The following CCDC175 variants were observed in gnomAD, a reference collection of about 807,000 sequenced individuals.
CCDC175 encodes the protein coiled-coil domain containing 175, also known as coiled-coil domain-containing protein 175.
A neutral mutation model predicts 114.6 loss-of-function variants in CCDC175; 100 were observed. The ratio of observed to expected loss-of-function variants is 0.87; its 90% CI spans 0.74 to 1.03. The LOEUF is 1.03. Ranked by LOEUF, CCDC175 falls within the 50% of genes least tolerant of loss-of-function variation. The probability of loss-of-function intolerance (pLI) is 0.00; values close to 1 mark genes in which losing one functional copy is unlikely to be tolerated. For synonymous variants in CCDC175, 306 were observed against 308.7 expected (o/e 0.99, Z 0.09); for missense variants, 880 against 917.8 (o/e 0.96, Z 0.53).
At chr14:59,523,746 A>T (rs960522361) in intron 16 of CCDC175, among the ~76,000 whole-genome samples, 8 of 152,052 alleles carry the variant, frequency 5.3e-5, no homozygotes, top group South Asian at 4.1e-4. Flanking sequence ...TCCTAGCACT[A>T]TGGGAGGCCG....
At chr14:59,557,523 A>G (rs949560063) in intron 7 of CCDC175, among the ~76,000 whole-genome samples, 8 of 151,312 alleles carry the variant, frequency 5.3e-5, no homozygotes, top group Admixed American at 5.3e-4. Context: ...GTAAATGACG[A>G]GTTAATGGGT....
At chr14:59,552,506 C>A (rs1307120732) in intron 7 of CCDC175, among the ~76,000 whole-genome samples, 12 of 152,156 alleles carry the variant, frequency 7.9e-5, no homozygotes, top group African/African-American at 2.9e-4. Flanking sequence ...GATAAAACCA[C>A]AAAGATGGGG....
chr14:59,506,448 C>A (rs1183197034), intron 19 of CCDC175, among the ~76,000 whole-genome samples: 1 of 152,030 alleles, frequency 6.6e-6, no homozygotes, highest in African/African-American at 2.4e-5. Flanking sequence ...CCATGACACC[C>A]AGCTAATTTT....
chr14:59,574,321 C>G (rs1159484468), intron 2 of CCDC175, among the ~76,000 whole-genome samples: 1 of 152,188 alleles, frequency 6.6e-6, no homozygotes, highest in East Asian at 1.9e-4. Context: ...ACTACTCTGA[C>G]TGTGCCAAGG....
chr14:59,543,295 T>C (rs200395522), intron 10 of CCDC175, 49 bp downstream of exon 10: 38 of 652,978 alleles, frequency 5.8e-5, no homozygotes, highest in Non-Finnish European at 2.2e-5. Flanking sequence ...TATTAAAAAA[T>C]AAATGCAGAG....
Position 59,543,386 on chromosome 14 carries a change from T to G in CCDC175, c.1241A>C (p.Lys414Thr). The G allele has an allele frequency of 6.7e-7, 1 of 1,482,302 alleles. No individual in the cohort carries two copies. Among genetic ancestry groups the G allele is most frequent in the Non-Finnish European group, 9.0e-7 (1 of 1,112,934 alleles). 91.8% of individuals were successfully genotyped at this position (1,482,302 alleles called of 1,614,324 possible). The part of the protein sequence containing the change: ...YFLSQKRVDI[K>T]NMEEGLITLQ... ...TGTGATGAGTCCTTCTTCCATATTT[T>G]TGATGTCTACTCTCTTTTGTGACAG... Residue 414 changes from lysine to threonine, a missense_variant, in exon 10 of 20, where the codon AAA (lysine) becomes ACA (threonine). Lys to Thr is a moderately conservative substitution (Grantham distance 78). Coordinates refer to ENST00000537690, the MANE Select transcript of CCDC175 (RefSeq NM_001164399.2).
intron 12 of CCDC175, among the ~76,000 whole-genome samples, chr14:59,538,365 G>A (rs369116331): frequency 2.2e-4 from 34 of 152,222 alleles, no homozygotes; most frequent in African/African-American, 8.2e-4. Flanking sequence ...CATGAGGAGT[G>A]GGGAGGGTAG....
At chr14:59,548,420 G>A (rs1043906679) in intron 8 of CCDC175, among the ~76,000 whole-genome samples, 9 of 152,144 alleles carry the variant, frequency 5.9e-5, no homozygotes, top group Admixed American at 1.3e-4. Context: ...TTCTACCCTA[G>A]TGAAAATAAT....
Position 59,568,383 on chromosome 14 carries a change from TCA to T in CCDC175, c.356-5_356-4del. 1 of 1,504,290 alleles carries T rather than the reference TCA, an allele frequency of 6.6e-7. No individual in the cohort carries two copies. The highest frequency in any genetic ancestry group is 8.8e-7 in the Non-Finnish European group (1 of 1,136,032). The allele number at this position is 1,504,290 out of a possible 1,614,324, so 93.2% of individuals were successfully genotyped here. On this transcript the variant is annotated splice_polypyrimidine_tract_variant and splice_region_variant and intron_variant, in intron 3 of 19. Coordinates refer to ENST00000537690, the MANE Select transcript of CCDC175 (RefSeq NM_001164399.2). Reference sequence around the variant, plus strand: ...TCTGCGAGCGTCTCGGACACATTCTTCAAAGTAAGTGGAAATATTACTACATT... The same window carrying T: ...TCTGCGAGCGTCTCGGACACATTCTTAAGTAAGTGGAAATATTACTACATT...
At chr14:59,511,006 G>T (rs1282398717) in intron 18 of CCDC175, among the ~76,000 whole-genome samples, 198 bp from the exon 19 acceptor site, 1 of 152,204 alleles carries the variant, frequency 6.6e-6, no homozygotes, top group Non-Finnish European at 1.5e-5. Context: ...GAAGTGAGAA[G>T]AATAATGGAA....
At chr14:59,537,607 C>T (rs1460899616) in intron 13 of CCDC175, among the ~76,000 whole-genome samples, 5 of 152,068 alleles carry the variant, frequency 3.3e-5, no homozygotes, top group African/African-American at 1.2e-4. Flanking sequence ...TCTCCACCTC[C>T]CCCAGCATCC....
intron 17 of CCDC175, among the ~76,000 whole-genome samples, chr14:59,517,640 A>T (rs1893178942): frequency 6.6e-6 from 1 of 152,238 alleles, no homozygotes; most frequent in South Asian, 2.1e-4. Flanking sequence ...TTCAAGGAGA[A>T]CTACAAACCA....
intron 15 of CCDC175, among the ~76,000 whole-genome samples, chr14:59,526,155 C>T (rs188663709): frequency 1.3e-3 from 204 of 152,216 alleles, no homozygotes; most frequent in Middle Eastern, 6.8e-3. Flanking sequence ...ATTCAGTTCT[C>T]TATTATTATA....
chr14:59,515,214 G>A, intron 17 of CCDC175, among the ~76,000 whole-genome samples: 1 of 152,164 alleles, frequency 6.6e-6, no homozygotes. Context: ...GAAAAAGCAT[G>A]CCAAATTGTA....
At chr14:59,544,679 T>A (rs1004008673) in intron 9 of CCDC175, among the ~76,000 whole-genome samples, 7 of 152,126 alleles carry the variant, frequency 4.6e-5, no homozygotes, top group African/African-American at 1.4e-4. Context: ...TGAGAAAAAA[T>A]TAAAATTTAA....
chr14:59,561,116 T>TA lies in CCDC175; in HGVS notation c.953+2dup, dbSNP rs759283920. On this transcript the variant is annotated splice_region_variant and intron_variant, in intron 7 of 19. Coordinates refer to ENST00000537690, the MANE Select transcript of CCDC175 (RefSeq NM_001164399.2). ...TTAAGTAAAAATAAAGCATTACACT[T>TA]ACAGTTTCGCCTCCAGAATTGCAAG... 6.9e-7 allele frequency: 1 copy of TA among 1,453,970 alleles called. No homozygotes were observed. Among genetic ancestry groups the TA allele is most frequent in the South Asian group, 1.2e-5 (1 of 82,188 alleles). The allele number at this position is 1,453,970 out of a possible 1,614,324, so 90.1% of individuals were successfully genotyped here. A position where few individuals can be genotyped will look rare whatever the true frequency, so the allele number is the denominator to read the frequency against.
At chr14:59,518,678 G>A (rs1893250454) in intron 17 of CCDC175, among the ~76,000 whole-genome samples, 4 of 152,310 alleles carry the variant, frequency 2.6e-5, no homozygotes, top group African/African-American at 9.6e-5. Context: ...ACAGGTGCTG[G>A]AGAGGATATG....
At chr14:59,558,605 C>T (rs1374903268) in intron 7 of CCDC175, among the ~76,000 whole-genome samples, 3 of 152,002 alleles carry the variant, frequency 2.0e-5, no homozygotes, top group Non-Finnish European at 4.4e-5. Context: ...AGGTAAATGG[C>T]GGTGCCACAT....
intron 19 of CCDC175, among the ~76,000 whole-genome samples, chr14:59,505,784 A>G (rs750942516): frequency 7.9e-5 from 12 of 152,138 alleles, no homozygotes; most frequent in Non-Finnish European, 1.5e-4. Context: ...GCACATCACA[A>G]TCCTTATCAC....
Sources: allele counts gnomAD v4.1 joint callset (sites outside exome capture counted in the v4.1 genomes callset), GRCh38; gene constraint gnomAD v4.1.1; transcripts MANE v1.5; gene names NCBI Gene and HGNC (gene_info 2026-07-23, HGNC 2026-07-21).